Variants in ZFR2 observed in about 807,000 individuals in gnomAD.
ZFR2 encodes the protein zinc finger RNA-binding protein 2.
In ZFR2, 104 loss-of-function variants were observed where a neutral mutation model predicts 105.7. The observed-to-expected ratio is 0.98, with a 90% confidence interval of 0.84 to 1.16. ZFR2 has a LOEUF of 1.16. Ranked by LOEUF, ZFR2 falls within the 50% of genes most tolerant of loss-of-function variation. The probability of loss-of-function intolerance (pLI) is 0.00; values close to 1 mark genes in which losing one functional copy is unlikely to be tolerated. For missense variants in ZFR2, 1,425 were observed against 1,355.5 expected (o/e 1.05, Z -0.80); for synonymous variants, 634 against 597.7 (o/e 1.06, Z -0.89).
At chr19:3,809,581 C>T (rs1239706757) in intron 16 of ZFR2, among the ~76,000 whole-genome samples, 2 of 152,204 alleles carry the variant, frequency 1.3e-5, no homozygotes, top group East Asian at 3.8e-4. Context: ...GACAGCCGCA[C>T]ACCGGTCACC....
At position 3,838,214 on chromosome 19, in the gene ZFR2, C is replaced by T. The variant is rs904603891; in HGVS notation, c.54-3231G>A. Among the ~76,000 whole-genome samples, 11 of 152,158 alleles carry T rather than the reference C, an allele frequency of 7.2e-5. 1 individual carries two copies. Among genetic ancestry groups the T allele is most frequent in the East Asian group, 3.9e-4 (2 of 5,176 alleles). On this transcript the variant is annotated intron_variant, in intron 1 of 18. Coordinates refer to ENST00000262961, the MANE Select transcript of ZFR2 (RefSeq NM_015174.2). The surrounding 1 kb of genome is among the most constrained non-coding windows in gnomAD (Gnocchi z 4.9). ...CCGATGAACATCCCGACAATACATT[C>T]GATGAACACCGTGACTACTGACATT... is the stretch of plus-strand genomic sequence containing the variant.
intron 1 of ZFR2, among the ~76,000 whole-genome samples, chr19:3,855,932 AG>A (rs2038294054): frequency 1.3e-5 from 2 of 152,182 alleles, no homozygotes; most frequent in African/African-American, 4.8e-5. Context: ...TAGGGGCTCC[AG>A]CTTGTCCCCT....
At chr19:3,826,787 G>C (rs914740625) in intron 6 of ZFR2, among the ~76,000 whole-genome samples, 3 of 152,088 alleles carry the variant, frequency 2.0e-5, no homozygotes, top group Non-Finnish European at 4.4e-5. Context: ...CTACAGCAGG[G>C]AGTGTGAAGA....
rs1176017481 is a variant in ZFR2, at chr19:3,804,752, G to C, written c.*1197C>G. On this transcript the variant is annotated 3_prime_UTR_variant, in exon 19 of 19. Coordinates refer to ENST00000262961, the MANE Select transcript of ZFR2 (RefSeq NM_015174.2). ...GGAGCAGGCTGGGCTGGGGGCGTGG[G>C]GATGCCGGCTGGGAGCTCCCCTGGG... is the stretch of plus-strand genomic sequence containing the variant. 3 of 152,852 alleles carry C rather than the reference G, an allele frequency of 2.0e-5. No individual in the cohort carries two copies. The highest frequency in any genetic ancestry group is 4.8e-5 in the African/African-American group (2 of 41,462). 9.5% of individuals were successfully genotyped at this position (152,852 alleles called of 1,614,324 possible). A position where few individuals can be genotyped will look rare whatever the true frequency, so the allele number is the denominator to read the frequency against.
chr19:3,805,990 C>G lies in ZFR2; in HGVS notation c.2779G>C (p.Glu927Gln). Residue 927 changes from glutamate (E) to glutamine (Q), a missense_variant, in exon 19 of 19, where the codon GAG (glutamate) becomes CAG (glutamine). Transcript: ENST00000262961. The stretch of plus-strand genomic sequence containing the variant: ...CCGCCCCGCCGGCCCCGCTTCTTCT[C>G]CCCTGCGCCCTCCTCTCCCTCGCCA... ...GPGEGEEGAG[E>Q]KKRGRRGGEG... 1.3e-6 allele frequency: 2 copies of G among 1,544,776 alleles called. No individual in the cohort carries two copies. The highest frequency in any genetic ancestry group is 1.2e-5 in the South Asian group (1 of 83,926).
intron 1 of ZFR2, among the ~76,000 whole-genome samples, chr19:3,839,464 C>T (rs141800309): frequency 0.025 from 3,386 of 135,782 alleles, 129 homozygotes; most frequent in African/African-American, 0.086. Context: ...ACCCAGGAGG[C>T]GGAGGCGGAG....
At chr19:3,855,373 CTA>C (rs2038285144) in intron 1 of ZFR2, 2 of 1,231,136 alleles carry the variant, frequency 1.6e-6, no homozygotes, top group Non-Finnish European at 2.0e-6. Context: ...GCGGGTTGCA[CTA>C]TGAGAAATTC....
intron 13 of ZFR2, among the ~76,000 whole-genome samples, chr19:3,815,971 G>A (rs1325324808): frequency 1.3e-5 from 2 of 151,820 alleles, no homozygotes; most frequent in Non-Finnish European, 2.9e-5. Context: ...TAGCCAGGAT[G>A]GTCTCGATCT....
In ZFR2 at chr19:3,823,478, T is replaced by C. The variant is rs1018797226; in HGVS notation, c.1214-75A>G. ...GCAGCTGCAGACCCGCCAGGCGGCA[T>C]GGGGTGGAGAGCCACCCAGACTGCA... On this transcript the variant is annotated intron_variant, in intron 7 of 18. Coordinates refer to ENST00000262961, the MANE Select transcript of ZFR2 (RefSeq NM_015174.2). The surrounding 1 kb of genome is among the most constrained non-coding windows in gnomAD (Gnocchi z 5.4). The C allele has an allele frequency of 6.1e-6, 9 of 1,475,654 alleles. No individual in the cohort carries two copies. Among genetic ancestry groups the C allele is most frequent in the African/African-American group, 1.4e-5 (1 of 71,322 alleles). 91.4% of individuals were successfully genotyped at this position (1,475,654 alleles called of 1,614,324 possible).
At position 3,831,265 on chromosome 19, in the gene ZFR2, G is replaced by A. The variant is rs560365338; in HGVS notation, c.852+38C>T. ...CGGGTTCAGACGTTGGGGACAGAGA[G>A]GTCCCTGGGGCCTGCCCATGGCAGG... On this transcript the variant is annotated intron_variant, in intron 5 of 18. Coordinates refer to ENST00000262961, the MANE Select transcript of ZFR2 (RefSeq NM_015174.2). The A allele has an allele frequency of 1.4e-5, 21 of 1,461,990 alleles. No homozygotes were observed. The Admixed American group carries it at 1.5e-4, about 11-fold the overall frequency. The allele number at this position is 1,461,990 out of a possible 1,614,324, so 90.6% of individuals were successfully genotyped here.
chr19:3,854,358 A>G (rs1315202393), intron 1 of ZFR2, among the ~76,000 whole-genome samples: 3 of 151,684 alleles, frequency 2.0e-5, no homozygotes, highest in Non-Finnish European at 4.4e-5. Flanking sequence ...GCACCACTGC[A>G]CTCCAGGCTG....
At chr19:3,847,179 A>C (rs776695683) in intron 1 of ZFR2, among the ~76,000 whole-genome samples, 5 of 152,206 alleles carry the variant, frequency 3.3e-5, no homozygotes, top group Admixed American at 2.6e-4. Flanking sequence ...AGAGGGCGGC[A>C]CACACAGCAG....
intron 1 of ZFR2, among the ~76,000 whole-genome samples, chr19:3,863,466 C>T (rs1009678699): frequency 5.9e-5 from 9 of 152,056 alleles, no homozygotes; most frequent in East Asian, 1.9e-4. Flanking sequence ...CTCTCGCTGT[C>T]GCCCAGGCTG....
At chr19:3,846,122 G>A (rs1041678571) in intron 1 of ZFR2, among the ~76,000 whole-genome samples, 14 of 152,220 alleles carry the variant, frequency 9.2e-5, no homozygotes, top group African/African-American at 1.2e-4. Flanking sequence ...GACTAAAGGC[G>A]TGTGCCACCA....
chr19:3,841,227 A>G (rs904241070), intron 1 of ZFR2, among the ~76,000 whole-genome samples: 4 of 152,260 alleles, frequency 2.6e-5, no homozygotes, highest in African/African-American at 9.6e-5. Context: ...CCCCCTTCGC[A>G]AACCCTCCTG....
rs749512207 is a variant in ZFR2, at chr19:3,810,736, A to G, written c.2433+14T>C. The G allele has an allele frequency of 6.5e-7, 1 of 1,546,052 alleles. No individual in the cohort carries two copies. Among genetic ancestry groups the G allele is most frequent in the East Asian group, 2.5e-5 (1 of 40,732 alleles). On this transcript the variant is annotated intron_variant, in intron 16 of 18. Transcript: ENST00000262961. The stretch of plus-strand genomic sequence containing the variant: ...GGTCCCAGTGGAGGGCCGGGCCGCC[A>G]GGCACTGCCTTACCCAGGCTGGCAG...
chr19:3,826,514 C>A lies in ZFR2; in HGVS notation c.1035+957G>T, dbSNP rs548295130. ...GCGGTGGCGAGATCTCAGCTCACTG[C>A]AACCTCCACCTACCGGGTTCAAGCA... On this transcript the variant is annotated intron_variant, in intron 6 of 18. Transcript: ENST00000262961. Among the ~76,000 whole-genome samples the A allele has an allele frequency of 2.0e-5, 3 of 152,036 alleles. No homozygotes were observed. In the South Asian group the frequency reaches 6.2e-4, roughly 32 times the overall value.
chr19:3,825,720 G>C (rs953355709), intron 6 of ZFR2, among the ~76,000 whole-genome samples: 2 of 152,166 alleles, frequency 1.3e-5, no homozygotes, highest in African/African-American at 4.8e-5. Context: ...CTGCCAGGTG[G>C]GGCCGTTTCT....
intron 6 of ZFR2, among the ~76,000 whole-genome samples, chr19:3,826,507 C>T (rs1011343385): frequency 2.6e-5 from 4 of 151,878 alleles, no homozygotes; most frequent in Admixed American, 1.3e-4. Flanking sequence ...GAGATCTCAG[C>T]TCACTGCAAC....
Sources: gnomAD v4.1 joint callset for allele counts (sites outside exome capture counted in the v4.1 genomes callset) on GRCh38, gnomAD v4.1.1 for gene constraint, Gnocchi (gnomAD v3.1) non-coding constraint, MANE v1.5 for transcripts, NCBI Gene and HGNC (gene_info 2026-07-23, HGNC 2026-07-21) for gene names.